Variants in BMERB1 observed in about 807,000 individuals in gnomAD.
BMERB1 encodes bMERB domain-containing protein 1.
A neutral mutation model predicts 23.6 loss-of-function variants in BMERB1; 12 were observed. That is an observed-to-expected ratio of 0.51 (90% CI 0.33 to 0.82). The LOEUF (loss-of-function observed/expected upper bound fraction) is 0.82. Ranked by LOEUF, BMERB1 falls within the 40% of genes least tolerant of loss-of-function variation. The probability of loss-of-function intolerance (pLI) is 0.03; values close to 1 mark genes in which losing one functional copy is unlikely to be tolerated. For synonymous variants in BMERB1, 122 were observed against 96.6 expected (o/e 1.26, Z -1.54); for missense variants, 247 against 255.4 (o/e 0.97, Z 0.22).
At chr16:15,548,358 C>T (rs889932447) in intron 2 of BMERB1, among the ~76,000 whole-genome samples, 1 of 152,154 alleles carries the variant, frequency 6.6e-6, no homozygotes, top group Non-Finnish European at 1.5e-5. Flanking sequence ...ACCTTTTCCC[C>T]AAATAATACT....
chr16:15,551,658 A>G (rs1418895646), intron 2 of BMERB1, among the ~76,000 whole-genome samples: 1 of 152,044 alleles, frequency 6.6e-6, no homozygotes, highest in Non-Finnish European at 1.5e-5. Context: ...TGGGCTGTGT[A>G]CCAGTCTGTT....
chr16:15,463,287 T>G (rs1236392712), intron 1 of BMERB1, among the ~76,000 whole-genome samples: 1 of 149,034 alleles, frequency 6.7e-6, no homozygotes, highest in Non-Finnish European at 1.5e-5. Context: ...GAGGCGGGGA[T>G]CTCACTATGT....
At chr16:15,455,036 G>A (rs114194983) in intron 1 of BMERB1, among the ~76,000 whole-genome samples, 2,059 of 151,990 alleles carry the variant, frequency 0.014, 52 homozygotes, top group African/African-American at 0.048. Flanking sequence ...GAGGAGAAGT[G>A]TAGAAAATGT....
At chr16:15,445,816 T>G (rs1295124160) in intron 1 of BMERB1, among the ~76,000 whole-genome samples, 1 of 152,134 alleles carries the variant, frequency 6.6e-6, no homozygotes, top group Non-Finnish European at 1.5e-5. Context: ...TCTACAAATA[T>G]TTGTACACAA....
chr16:15,498,659 TGGAACTAA>T (rs902904022), intron 1 of BMERB1, among the ~76,000 whole-genome samples: 37 of 134,474 alleles, frequency 2.8e-4, no homozygotes, highest in Admixed American at 1.6e-3. Flanking sequence ...GAAGGGAAGA[TGGAACTAA>T]GGAAGGAAGA....
chr16:15,528,814 G>A (rs938436817), intron 2 of BMERB1, among the ~76,000 whole-genome samples: 2 of 152,102 alleles, frequency 1.3e-5, no homozygotes, highest in Non-Finnish European at 2.9e-5. Flanking sequence ...GCTTTCAGGA[G>A]GTGATTAGGT....
intron 3 of BMERB1, among the ~76,000 whole-genome samples, chr16:15,570,000 G>A (rs2150972922): frequency 6.6e-6 from 1 of 152,276 alleles, no homozygotes; most frequent in Middle Eastern, 3.4e-3. Context: ...GCCTAAACCT[G>A]GGAATGATTA....
chr16:15,556,267 G>A (rs2030255564), intron 2 of BMERB1, among the ~76,000 whole-genome samples: 2 of 152,106 alleles, frequency 1.3e-5, no homozygotes, highest in Non-Finnish European at 2.9e-5. Context: ...TCTGTGAGCT[G>A]ACTTTTTACC....
rs1346315192 is a variant in BMERB1 at position 15,587,522 on chromosome 16, G to A, written c.*693G>A. ...CTGCCTCAGGTGTGTGCCTGGAGGG[G>A]GCCTGGACTGGCATGGATCCAGTGT... On this transcript the variant is annotated 3_prime_UTR_variant, in exon 6 of 6. Coordinates refer to ENST00000300006, the MANE Select transcript of BMERB1 (RefSeq NM_033201.3). The A allele has an allele frequency of 2.2e-6, 1 of 450,990 alleles. No individual in the cohort carries two copies. Among genetic ancestry groups the A allele is most frequent in the Admixed American group, 2.4e-5 (1 of 42,232 alleles). 27.9% of individuals were successfully genotyped at this position (450,990 alleles called of 1,614,324 possible).
chr16:15,463,173 A>ATCT (rs1477236863), intron 1 of BMERB1, among the ~76,000 whole-genome samples: 1 of 150,884 alleles, frequency 6.6e-6, no homozygotes, highest in Admixed American at 6.6e-5. Context: ...TGAACTCTTC[A>ATCT]TCTTAAGGGA....
chr16:15,448,936 A>G (rs925279989), intron 1 of BMERB1, among the ~76,000 whole-genome samples: 4 of 152,210 alleles, frequency 2.6e-5, no homozygotes, highest in Admixed American at 2.6e-4. Context: ...ACCGGCAGCC[A>G]AGTGACAGTG....
At chr16:15,561,019 G>A (rs568989620) in intron 2 of BMERB1, among the ~76,000 whole-genome samples, 10 of 127,848 alleles carry the variant, frequency 7.8e-5, no homozygotes, top group South Asian at 2.8e-4. Flanking sequence ...GCAGTGGCAC[G>A]ATCTCAGCTC....
chr16:15,530,159 A>G (rs1409261697), intron 2 of BMERB1, among the ~76,000 whole-genome samples: 6 of 152,122 alleles, frequency 3.9e-5, no homozygotes, highest in Admixed American at 2.0e-4. Flanking sequence ...TTCTGTGTCA[A>G]ATCCCTCTGT....
At chr16:15,531,457 G>A (rs902463113) in intron 2 of BMERB1, among the ~76,000 whole-genome samples, 14 of 152,234 alleles carry the variant, frequency 9.2e-5, no homozygotes, top group African/African-American at 2.6e-4. Context: ...GATATCTTCA[G>A]GGACCATTCT....
Position 15,586,881 on chromosome 16 carries a change from T to C in BMERB1, c.*52T>C, listed in dbSNP as rs753398131. 8.5e-7 allele frequency: 1 copy of C among 1,174,790 alleles called. No homozygotes were observed. Among genetic ancestry groups the C allele is most frequent in the Admixed American group, 2.4e-5 (1 of 41,878 alleles). 72.8% of individuals were successfully genotyped at this position (1,174,790 alleles called of 1,614,324 possible). A position where few individuals can be genotyped will look rare whatever the true frequency, so the allele number is the denominator to read the frequency against. ...GGGGACCCCCCCCCACCCTCTTGTC[T>C]TTATAGCCCCCATTTCACCGGGGCC... is the stretch of plus-strand genomic sequence containing the variant. On this transcript the variant is annotated 3_prime_UTR_variant, in exon 6 of 6. Transcript: ENST00000300006.
chr16:15,561,534 G>T (rs2030422155), intron 2 of BMERB1, among the ~76,000 whole-genome samples: 1 of 151,994 alleles, frequency 6.6e-6, no homozygotes, highest in Admixed American at 6.6e-5. Context: ...CTCCCAAAGT[G>T]CTGGGATTAC....
intron 1 of BMERB1, among the ~76,000 whole-genome samples, chr16:15,446,272 T>C (rs1437656070): frequency 1.3e-5 from 2 of 152,034 alleles, no homozygotes; most frequent in African/African-American, 4.8e-5. Context: ...GATGTGCACC[T>C]GTAGTCCTAG....
intron 1 of BMERB1, among the ~76,000 whole-genome samples, chr16:15,477,375 G>A (rs1032042405): frequency 1.8e-4 from 27 of 152,276 alleles, no homozygotes; most frequent in Admixed American, 5.2e-4. Flanking sequence ...CCCTTGACAC[G>A]TGGGGATTAT....
chr16:15,506,963 T>C (rs987625993), intron 1 of BMERB1, among the ~76,000 whole-genome samples: 6 of 152,186 alleles, frequency 3.9e-5, no homozygotes, highest in Non-Finnish European at 7.3e-5. Context: ...TTATGACCTC[T>C]CTAAGCCTCA....
Sources: allele counts gnomAD v4.1 joint callset (sites outside exome capture counted in the v4.1 genomes callset), GRCh38; gene constraint gnomAD v4.1.1; transcripts MANE v1.5; gene names NCBI Gene and HGNC (gene_info 2026-07-23, HGNC 2026-07-21).